Variants in AMMECR1 observed in about 807,000 individuals in gnomAD.
AMMECR1 encodes AMMECR nuclear protein 1, also known as nuclear protein AMMECR1.
In AMMECR1, 3 loss-of-function variants were observed where a neutral mutation model predicts 22.5. The observed-to-expected ratio is 0.13, with a 90% CI of 0.06 to 0.35. The LOEUF (loss-of-function observed/expected upper bound fraction) is 0.35, where lower values mean the gene tolerates loss of function less well. AMMECR1 is among the 10% of genes least tolerant of loss of function. The pLI is 1.00. For synonymous variants in AMMECR1, 130 were observed against 116.7 expected, an observed-to-expected ratio of 1.11 and a Z score of -0.74; for missense variants, 235 against 278.7, an observed-to-expected ratio of 0.84 and a Z score of 1.12.
rs766610820 is a variant in AMMECR1, at chrX:110,317,606, C to G, written c.466G>C (p.Glu156Gln). The change falls in exon 1 of 6, where the codon GAG (glutamate) becomes CAG (glutamine). Residue 156 changes from glutamate to glutamine, a missense_variant. Glu to Gln is a conservative substitution (Grantham distance 29). This residue lies in a region of AMMECR1 where 111 missense variants were observed against 181.7 expected (regional missense o/e 0.61). Coordinates refer to ENST00000262844, the MANE Select transcript of AMMECR1 (RefSeq NM_015365.3). ...QQPRTPRFTN[E>Q]PYPLFVTWKI... is the part of the protein sequence containing the mutation. ...GGAGGGCACGGTACTCACTAGGGCT[C>G]GTTGGTGAATCGGGGGGTCCGGGGC... 8.4e-7 allele frequency: 1 copy of G among 1,190,613 alleles called. No homozygotes were observed. The highest frequency in any genetic ancestry group is 1.1e-6 in the Non-Finnish European group (1 of 883,658).
intron 2 of AMMECR1, among the ~76,000 whole-genome samples, chrX:110,241,510 T>C (rs987545257): frequency 9.0e-6 from 1 of 111,316 alleles, no homozygotes; most frequent in Non-Finnish European, 1.9e-5. Context: ...CCTGGACACA[T>C]ACACCCGCCC....
At chrX:110,357,275 T>C (rs902391382) in intron 2 of AMMECR1, among the ~76,000 whole-genome samples, 2 of 112,367 alleles carry the variant, frequency 1.8e-5, no homozygotes, top group African/African-American at 6.5e-5. Context: ...ACAGCAAGTG[T>C]TGAGTGATAG....
intron 2 of AMMECR1, among the ~76,000 whole-genome samples, chrX:110,234,359 C>T (rs2067587843): frequency 8.9e-6 from 1 of 112,276 alleles, no homozygotes; most frequent in East Asian, 2.8e-4. Context: ...ATATTCTATG[C>T]TCATGGATAG....
intron 2 of AMMECR1, among the ~76,000 whole-genome samples, chrX:110,397,744 A>G (rs772113985): frequency 2.3e-4 from 26 of 111,999 alleles, no homozygotes; most frequent in African/African-American, 8.1e-4. Flanking sequence ...TGCAAAGGCC[A>G]ACCTGCCCCA....
At chrX:110,280,284 T>C (rs2067846201) in intron 1 of AMMECR1, among the ~76,000 whole-genome samples, 1 of 111,350 alleles carries the variant, frequency 9.0e-6, no homozygotes, top group Admixed American at 9.6e-5. Context: ...ATACTACGAA[T>C]GTGTGTGCTG....
intron 3 of AMMECR1, among the ~76,000 whole-genome samples, chrX:110,208,450 A>T (rs2067432161): frequency 8.9e-6 from 1 of 112,082 alleles, no homozygotes; most frequent in African/African-American, 3.2e-5. Context: ...TTTGGCTTAG[A>T]TATTAGTTCA....
chrX:110,407,100 A>G (rs1055492885), intron 2 of AMMECR1, among the ~76,000 whole-genome samples: 1 of 112,147 alleles, frequency 8.9e-6, no homozygotes, highest in Admixed American at 9.5e-5. Context: ...CAACTTCACC[A>G]GTCACCTTTG....
At chrX:110,403,607 T>C (rs1176242353) in intron 2 of AMMECR1, among the ~76,000 whole-genome samples, 1 of 111,908 alleles carries the variant, frequency 8.9e-6, no homozygotes, top group East Asian at 2.8e-4. Context: ...GTCTTGGTGC[T>C]TGGCCAGACT....
chrX:110,433,119 C>A (rs1212445617), intron 1 of AMMECR1, among the ~76,000 whole-genome samples: 1 of 112,399 alleles, frequency 8.9e-6, no homozygotes, highest in Non-Finnish European at 1.9e-5. Context: ...GCTGTGGCTC[C>A]AAGACCTGCC....
chrX:110,197,100 C>T lies in AMMECR1; in HGVS notation c.*1420G>A, dbSNP rs934292829. 1 of 112,010 alleles carries T rather than the reference C, an allele frequency of 8.9e-6. No individual in the cohort carries two copies. Among genetic ancestry groups the T allele is most frequent in the Non-Finnish European group, 1.9e-5 (1 of 53,135 alleles). 9.2% of individuals were successfully genotyped at this position (112,010 alleles called of 1,213,427 possible). A position where few individuals can be genotyped will look rare whatever the true frequency, so the allele number is the denominator to read the frequency against. On this transcript the variant is annotated 3_prime_UTR_variant, in exon 6 of 6. Transcript: ENST00000262844. ...GGGGATATATGTATGGACCTCCTAT[C>T]GACATCAGTAAGTTATCTTTGTATG...
intron 2 of AMMECR1, among the ~76,000 whole-genome samples, chrX:110,423,925 G>A (rs1473396357): frequency 8.9e-6 from 1 of 112,374 alleles, no homozygotes; most frequent in Non-Finnish European, 1.9e-5. Flanking sequence ...GATGCTAAAG[G>A]ATGTCTGTAG....
At chrX:110,215,655 C>T (rs1490827713) in intron 3 of AMMECR1, among the ~76,000 whole-genome samples, 1 of 112,027 alleles carries the variant, frequency 8.9e-6, no homozygotes, top group Non-Finnish European at 1.9e-5. Context: ...ATTCTCATAG[C>T]ACTTATTTCT....
chrX:110,308,959 G>A (rs367923519), intron 1 of AMMECR1, among the ~76,000 whole-genome samples: 1 of 111,321 alleles, frequency 9.0e-6, no homozygotes, highest in Non-Finnish European at 1.9e-5. Flanking sequence ...AAAAGCACCC[G>A]TCAATCTAAA....
intron 2 of AMMECR1, among the ~76,000 whole-genome samples, chrX:110,263,299 A>C (rs767285199): frequency 4.5e-5 from 5 of 111,566 alleles, no homozygotes; most frequent in Non-Finnish European, 9.4e-5. Flanking sequence ...TTCAACCCTT[A>C]CAGCCTGTAT....
At chrX:110,213,789 C>T (rs1186553389) in intron 3 of AMMECR1, among the ~76,000 whole-genome samples, 1 of 110,624 alleles carries the variant, frequency 9.0e-6, no homozygotes, top group African/African-American at 3.3e-5. Context: ...TTTTTAAGAC[C>T]AAATCACATT....
chrX:110,296,205 T>C (rs1182803780), intron 1 of AMMECR1, among the ~76,000 whole-genome samples: 1 of 112,160 alleles, frequency 8.9e-6, no homozygotes, highest in African/African-American at 3.2e-5. Context: ...GACAGTCTTA[T>C]TTTCTAACAT....
chrX:110,355,284 T>C (rs982782866), intron 2 of AMMECR1, among the ~76,000 whole-genome samples: 1 of 111,929 alleles, frequency 8.9e-6, no homozygotes, highest in African/African-American at 3.2e-5. Context: ...CCTATAGTCC[T>C]AGCTACTCAG....
chrX:110,402,968 A>G (rs1239331010), intron 2 of AMMECR1, among the ~76,000 whole-genome samples: 1 of 112,099 alleles, frequency 8.9e-6, no homozygotes, highest in Non-Finnish European at 1.9e-5. Flanking sequence ...GTTAGCCCCT[A>G]CGTGAAGCTG....
At position 110,298,482 on chromosome X, in the gene AMMECR1, T is replaced by C. The variant is rs189922348; in HGVS notation, c.473+19117A>G. On this transcript the variant is annotated intron_variant, in intron 1 of 5. Coordinates refer to ENST00000262844, the MANE Select transcript of AMMECR1 (RefSeq NM_015365.3). ...TCCTGAATGAGTTTAGTTGCAGGTA[T>C]GATATGAAAACAACCTTATACCTTT... 1.8e-4 allele frequency among the ~76,000 whole-genome samples: 20 copies of C among 110,717 alleles called. No homozygotes were observed. The Admixed American group carries it at 1.9e-3, about 11-fold the overall frequency.
Sources: allele counts gnomAD v4.1 joint callset (sites outside exome capture counted in the v4.1 genomes callset), GRCh38; gene constraint gnomAD v4.1.1; regional missense constraint gnomAD v4.1.1; transcripts MANE v1.5; gene names NCBI Gene and HGNC (gene_info 2026-07-23, HGNC 2026-07-21).